Variants in THBS2 observed in about 807,000 individuals in gnomAD.
THBS2 encodes thrombospondin-2.
THBS2 carries 47 observed loss-of-function variants against 135.2 expected under a neutral mutation model. The observed-to-expected ratio is 0.35, with a 90% CI of 0.28 to 0.44. The LOEUF (loss-of-function observed/expected upper bound fraction) is 0.44, where lower values mean the gene tolerates loss of function less well. Ranked by LOEUF, THBS2 falls within the 20% of genes least tolerant of loss-of-function variation. The pLI is 1.00. For synonymous variants in THBS2, 639 were observed against 633.8 expected, an observed-to-expected ratio of 1.01 and a Z score of -0.12; for missense variants, 1,288 against 1,603.1, an observed-to-expected ratio of 0.80 and a Z score of 3.36.
At chr6:169,231,906 C>G in intron 13 of THBS2, 74 bp downstream of exon 13, 1 of 1,541,640 alleles carries the variant, frequency 6.5e-7, no homozygotes, top group Non-Finnish European at 8.8e-7. Flanking sequence ...GCCCCCCGTC[C>G]GCGTAGCGTC....
At chr6:169,236,101 A>C (rs1252003862) in intron 9 of THBS2, among the ~76,000 whole-genome samples, 9 of 65,214 alleles carry the variant, frequency 1.4e-4, no homozygotes, top group Non-Finnish European at 1.4e-4. Flanking sequence ...ATCCACACTC[A>C]CTCCCCATCC....
At chr6:169,227,259 C>G (rs1200399685) in intron 15 of THBS2, among the ~76,000 whole-genome samples, 1 of 152,154 alleles carries the variant, frequency 6.6e-6, no homozygotes, top group Non-Finnish European at 1.5e-5. Flanking sequence ...GGAGGCGAGC[C>G]TGCCCCCAGC....
In THBS2 at chr6:169,241,955, T is replaced by A. The variant is rs1405698198; in HGVS notation, c.698A>T (p.Glu233Val). 6.2e-7 allele frequency: 1 copy of A among 1,605,600 alleles called. No homozygotes were observed. The highest frequency in any genetic ancestry group is 1.1e-5 in the South Asian group (1 of 90,880). The change falls in exon 5 of 22, where the codon GAG (glutamate) becomes GTG (valine). Residue 233 changes from glutamate to valine, a missense_variant. This residue lies in a region of THBS2 where 414 missense variants were observed against 447.0 expected (regional missense o/e 0.93). Coordinates refer to ENST00000617924, the MANE Select transcript of THBS2 (RefSeq NM_003247.5). This position sits in a 1 kb window ranked among gnomAD's most constrained non-coding sequence, Gnocchi z 5.5. ...TGTGTTCTCACTGATGGCGTTGATC[T>A]CAGCTGAGGGCAAGCGTAGAAGGGC... ...KKGCQQGQGA[E>V]INAISENTET...
chr6:169,225,641 C>T lies in THBS2; in HGVS notation c.2539-262G>A, dbSNP rs116763316. On this transcript the variant is annotated intron_variant, in intron 16 of 21. Transcript: ENST00000617924. ...TTCACTAAAGGAAGATGTGCTTCTT[C>T]GCTGGAAAAGCATGAACTACCAGGT... Among the ~76,000 whole-genome samples the T allele has an allele frequency of 8.8e-3, 1,336 of 152,336 alleles. 16 individuals carry two copies. The highest frequency in any genetic ancestry group is 0.029 in the African/African-American group (1,213 of 41,556).
rs1449512073 is a variant in THBS2 at position 169,248,563 on chromosome 6, G to C, written c.463C>G (p.Gln155Glu). The change falls in exon 3 of 22, where the codon CAG (glutamine) becomes GAG (glutamate). Residue 155 changes from glutamine (Q) to glutamate (E), a missense_variant. By Grantham distance (29) the Gln-to-Glu change is conservative (BLOSUM62 2). This residue lies in a region of THBS2 where 414 missense variants were observed against 447.0 expected (regional missense o/e 0.93). Transcript: ENST00000617924. ...AAGCTGTAGGTCTCGCCAGCCACCTGCACGGTGACGTTCTTCCACTGCGAG... is the reference window on the plus strand; with the variant it reads ...AAGCTGTAGGTCTCGCCAGCCACCTCCACGGTGACGTTCTTCCACTGCGAG... ...ADSQWKNVTV[Q>E]VAGETYSLHV... The C allele has an allele frequency of 6.2e-7, 1 of 1,613,880 alleles. No individual in the cohort carries two copies. The highest frequency in any genetic ancestry group is 8.5e-7 in the Non-Finnish European group (1 of 1,180,046).
intron 21 of THBS2, chr6:169,219,844 T>TCCTTCCTG (rs537058531): frequency 3.0e-4 from 163 of 551,012 alleles, no homozygotes; most frequent in Admixed American, 1.4e-3. Context: ...CTTCTTTCCT[T>TCCTTCCTG]CCTGCCTGCC....
intron 9 of THBS2, among the ~76,000 whole-genome samples, chr6:169,235,871 C>T (rs1363683985): frequency 7.7e-6 from 1 of 129,094 alleles, no homozygotes; most frequent in Non-Finnish European, 1.6e-5. Flanking sequence ...TATCCACACT[C>T]ACTCCCCCAT....
rs1328905816 is a variant in THBS2 at position 169,221,534 on chromosome 6, G to A, written c.3274-7C>T. ...CGTGCCATAAGGTTCGCACCTGAGAGAGAACATAGCACTCTTGAGTGCCAT... is the reference window on the plus strand; with the variant it reads ...CGTGCCATAAGGTTCGCACCTGAGAAAGAACATAGCACTCTTGAGTGCCAT... On this transcript the variant is annotated splice_polypyrimidine_tract_variant and splice_region_variant and intron_variant, in intron 19 of 21. Coordinates refer to ENST00000617924, the MANE Select transcript of THBS2 (RefSeq NM_003247.5). 1.2e-6 allele frequency: 2 copies of A among 1,613,592 alleles called. No homozygotes were observed. Among genetic ancestry groups the A allele is most frequent in the African/African-American group, 2.7e-5 (2 of 74,924 alleles).
intron 19 of THBS2, 131 bp from the exon 20 acceptor site, chr6:169,221,658 C>G (rs1387220350): frequency 1.4e-6 from 1 of 737,698 alleles, no homozygotes; most frequent in East Asian, 2.6e-5. Flanking sequence ...CTCCATATCT[C>G]TCTGATGTGT....
rs769021488 is a variant in THBS2, at chr6:169,229,577, C to T, written c.2254G>A (p.Glu752Lys). 4.3e-6 allele frequency: 7 copies of T among 1,614,000 alleles called. No individual in the cohort carries two copies. In the South Asian group the frequency reaches 5.5e-5, roughly 13 times the overall value. ...DDDDNDGVTD[E>K]KDNCQLLFNP... is the part of the protein sequence containing the mutation. ...GCGGCACAAGCTGCTCCTACCTTCT[C>T]ATCGGTCACACCGTCATTGTCATCG... Residue 752 changes from glutamate to lysine, a missense_variant, in exon 14 of 22, where the codon GAG becomes AAG. This residue lies in a region of THBS2 where 874 missense variants were observed against 1,156.1 expected (regional missense o/e 0.76). Transcript: ENST00000617924.
intron 4 of THBS2, among the ~76,000 whole-genome samples, chr6:169,242,590 ACCTTC>A (rs1780352463): frequency 1.7e-5 from 1 of 57,194 alleles, no homozygotes; most frequent in South Asian, 5.5e-4. Flanking sequence ...CCAAATTCCC[ACCTTC>A]CCACATTCCC....
intron 18 of THBS2, among the ~76,000 whole-genome samples, chr6:169,222,770 G>A (rs1337323987): frequency 1.3e-5 from 2 of 150,286 alleles, no homozygotes; most frequent in African/African-American, 4.9e-5. Flanking sequence ...CTCCAGCCTG[G>A]GGGACAAGAG....
intron 21 of THBS2, among the ~76,000 whole-genome samples, chr6:169,219,519 T>TA (rs1385533572): frequency 1.3e-5 from 2 of 152,124 alleles, no homozygotes; most frequent in Non-Finnish European, 2.9e-5. Context: ...AGCAAGCAGA[T>TA]AAATCAACCC....
intron 4 of THBS2, among the ~76,000 whole-genome samples, chr6:169,243,114 C>CCTTCCCACCTTCCCACCT (rs1780421155): frequency 2.0e-5 from 1 of 50,140 alleles, no homozygotes; most frequent in Non-Finnish European, 3.7e-5. Context: ...CTTCCCACCA[C>CCTTCCCACCTTCCCACCT]TCCTACCTTC....
chr6:169,246,366 A>C, intron 3 of THBS2, 85 bp from the exon 4 acceptor site: 4 of 1,146,754 alleles, frequency 3.5e-6, no homozygotes, highest in East Asian at 2.4e-5. Context: ...CTAAAAATAC[A>C]AGTTGGAATC....
chr6:169,239,504 A>T, intron 7 of THBS2, 95 bp downstream of exon 7: 1 of 1,205,988 alleles, frequency 8.3e-7, no homozygotes, highest in Non-Finnish European at 1.2e-6. Flanking sequence ...GCTGAACCTC[A>T]CTCTTCTCTG....
chr6:169,236,186 ATCCACACTCATTGCC>A (rs1780052347), intron 9 of THBS2, among the ~76,000 whole-genome samples: 1 of 45,650 alleles, frequency 2.2e-5, no homozygotes. Context: ...CTCATTCCCC[ATCCACACTCATTGCC>A]CCATAAACAC....
intron 6 of THBS2, 53 bp from the exon 7 acceptor site, chr6:169,239,748 T>C: frequency 7.1e-7 from 1 of 1,399,178 alleles, no homozygotes; most frequent in Admixed American, 2.0e-5. Context: ...GAGGGGACGC[T>C]GGTACAAGGG....
rs368102843 is a variant in THBS2 at position 169,228,217 on chromosome 6, C to A, written c.2324G>T (p.Arg775Leu). Residue 775 changes from arginine to leucine, a missense_variant, in exon 15 of 22, where the codon CGC (arginine) becomes CTC (leucine). Transcript: ENST00000617924. Reference sequence around the variant, plus strand: ...GTGCACGTAAGGGCAGTTGTCACAGCGGTCCCCAACCTCATCCTTGTCATA... The same window carrying A: ...GTGCACGTAAGGGCAGTTGTCACAGAGGTCCCCAACCTCATCCTTGTCATA... ...ADYDKDEVGD[R>L]CDNCPYVHNP... The A allele has an allele frequency of 3.7e-6, 6 of 1,614,170 alleles. No individual in the cohort carries two copies. Among genetic ancestry groups the A allele is most frequent in the Middle Eastern group, 1.6e-4 (1 of 6,062 alleles).
Sources: allele counts gnomAD v4.1 joint callset (sites outside exome capture counted in the v4.1 genomes callset), GRCh38; gene constraint gnomAD v4.1.1; regional missense constraint gnomAD v4.1.1; non-coding constraint Gnocchi (gnomAD v3.1); transcripts MANE v1.5; gene names NCBI Gene and HGNC (gene_info 2026-07-23, HGNC 2026-07-21).